The following CDH23 variants were observed in gnomAD, a reference collection of about 807,000 sequenced individuals.
The protein encoded by CDH23 is cadherin-23.
Under a neutral mutation model 317.1 loss-of-function variants are expected in CDH23, and 189 were observed. That is an observed-to-expected ratio of 0.60 (90% confidence interval 0.53 to 0.67). CDH23 has a LOEUF of 0.67. Ranked by LOEUF, CDH23 falls within the 30% of genes least tolerant of loss-of-function variation. The pLI, the probability that CDH23 is intolerant of heterozygous loss-of-function variation, is 0.00. For synonymous variants in CDH23, 1,839 were observed against 1,876.8 expected (o/e 0.98, Z 0.52); for missense variants, 4,401 against 4,592.4 (o/e 0.96, Z 1.20).
At chr10:71,415,396 C>T (rs929860026) in intron 1 of CDH23, among the ~76,000 whole-genome samples, 7 of 152,078 alleles carry the variant, frequency 4.6e-5, no homozygotes, top group African/African-American at 1.2e-4. Flanking sequence ...CCCAGCCATC[C>T]GTCTCATTTT....
At chr10:71,599,836 T>C (rs1860100038) in intron 9 of CDH23, among the ~76,000 whole-genome samples, 1 of 152,032 alleles carries the variant, frequency 6.6e-6, no homozygotes, top group South Asian at 2.1e-4. Flanking sequence ...GATTCTCACT[T>C]CTCCAGGGGA....
chr10:71,774,179 C>T (rs922119934), intron 38 of CDH23, among the ~76,000 whole-genome samples: 5 of 152,162 alleles, frequency 3.3e-5, no homozygotes, highest in Admixed American at 6.5e-5. Flanking sequence ...GCGTGCCCCA[C>T]AGCACATCCT....
chr10:71,743,359 G>C (rs917555906), intron 38 of CDH23, among the ~76,000 whole-genome samples: 6 of 152,202 alleles, frequency 3.9e-5, no homozygotes, highest in African/African-American at 1.4e-4. Flanking sequence ...CACTGTGGGA[G>C]GTGGGGTCAC....
At position 71,397,919 on chromosome 10, in the gene CDH23, C is replaced by T. The variant is rs1463712023; in HGVS notation, c.-6+601C>T. Among the ~76,000 whole-genome samples, 1 of 152,212 alleles carries T rather than the reference C, an allele frequency of 6.6e-6. No individual in the cohort carries two copies. The highest frequency in any genetic ancestry group is 1.5e-5 in the Non-Finnish European group (1 of 68,038). Reference sequence around the variant, plus strand: ...TCCAGCTATGGGAAGACGCGCCCCTCGAGGAGCCGGGAGCCTTTTGCGGCT... The same window carrying T: ...TCCAGCTATGGGAAGACGCGCCCCTTGAGGAGCCGGGAGCCTTTTGCGGCT... On this transcript the variant is annotated intron_variant, in intron 1 of 69. Transcript: ENST00000224721. The surrounding 1 kb of genome is among the most constrained non-coding windows in gnomAD (Gnocchi z 4.8).
chr10:71,554,909 G>A (rs1455430642), intron 6 of CDH23, among the ~76,000 whole-genome samples: 1 of 152,236 alleles, frequency 6.6e-6, no homozygotes, highest in African/African-American at 2.4e-5. Context: ...GAAGTGGGAA[G>A]TTATTGGAGA....
chr10:71,475,870 C>T (rs911949360), intron 3 of CDH23, among the ~76,000 whole-genome samples: 2 of 152,238 alleles, frequency 1.3e-5, no homozygotes, highest in African/African-American at 2.4e-5. Flanking sequence ...TGTCACCCTG[C>T]AGGAGCCGGG....
intron 7 of CDH23, among the ~76,000 whole-genome samples, chr10:71,570,087 T>C (rs1857683257): frequency 6.6e-6 from 1 of 151,950 alleles, no homozygotes; most frequent in African/African-American, 2.4e-5. Flanking sequence ...CAACTGACGG[T>C]TTAAATATTG....
chr10:71,761,733 G>A, intron 38 of CDH23: 1 of 1,614,132 alleles, frequency 6.2e-7, no homozygotes, highest in Non-Finnish European at 8.5e-7. Flanking sequence ...AAGTTGCCAT[G>A]GTGGTCGGAG....
At chr10:71,746,890 G>A (rs370663216) in intron 38 of CDH23, among the ~76,000 whole-genome samples, 4 of 152,200 alleles carry the variant, frequency 2.6e-5, no homozygotes, top group South Asian at 2.1e-4. Flanking sequence ...GCCCCGTGAC[G>A]GTCTATGAGC....
At chr10:71,459,053 T>C (rs1039640106) in intron 3 of CDH23, among the ~76,000 whole-genome samples, 4 of 149,514 alleles carry the variant, frequency 2.7e-5, no homozygotes, top group Non-Finnish European at 4.4e-5. Context: ...CCCAAAGTGC[T>C]GGGATTACAG....
At chr10:71,723,532 T>C (rs1188551319) in intron 28 of CDH23, among the ~76,000 whole-genome samples, 1 of 152,028 alleles carries the variant, frequency 6.6e-6, no homozygotes, top group Non-Finnish European at 1.5e-5. Flanking sequence ...CATGGAGCCA[T>C]TGTGTGGGAG....
At chr10:71,522,485 G>C (rs1374540299) in intron 6 of CDH23, among the ~76,000 whole-genome samples, 1 of 152,174 alleles carries the variant, frequency 6.6e-6, no homozygotes, top group Non-Finnish European at 1.5e-5. Context: ...TAGGAGCATG[G>C]TATTAGGAGT....
At chr10:71,517,244 CT>C (rs1337915593) in intron 6 of CDH23, among the ~76,000 whole-genome samples, 2 of 152,370 alleles carry the variant, frequency 1.3e-5, no homozygotes, top group East Asian at 3.9e-4. Context: ...AGGCCTAGCA[CT>C]GAGCTGGCAA....
intron 6 of CDH23, among the ~76,000 whole-genome samples, chr10:71,538,569 C>T (rs6480530): frequency 3.9e-5 from 6 of 152,024 alleles, no homozygotes; most frequent in Admixed American, 1.3e-4. Flanking sequence ...TCTGTTTCTC[C>T]GATTAATCTG....
rs183053210 is a variant in CDH23, at chr10:71,501,919, G to A, written c.146-8163G>A. On this transcript the variant is annotated intron_variant, in intron 3 of 69. Coordinates refer to ENST00000224721, the MANE Select transcript of CDH23 (RefSeq NM_022124.6). ...GCCATGGTGGGACAGTTGGAGTGAG[G>A]AGTAGTTATTCTCAGAAAACCCTGG... Among the ~76,000 whole-genome samples the A allele has an allele frequency of 7.9e-5, 12 of 152,294 alleles. No individual in the cohort carries two copies. In the East Asian group the frequency reaches 2.3e-3, roughly 29 times the overall value.
Position 71,707,161 on chromosome 10 carries a change from G to A in CDH23, c.3106+112G>A, listed in dbSNP as rs769119899. On this transcript the variant is annotated intron_variant, in intron 26 of 69. Transcript: ENST00000224721. ...GCAGGTGAGGGTGGAAAAGAGGTCA[G>A]GGCTCTACTGTTGGGCTTTAGCCTC... The A allele has an allele frequency of 3.9e-6, 6 of 1,544,466 alleles. 1 individual carries two copies. The South Asian group carries it at 6.0e-5, about 15-fold the overall frequency.
At chr10:71,719,944 C>G (rs1015092989) in intron 28 of CDH23, 1 of 152,842 alleles carries the variant, frequency 6.5e-6, no homozygotes. Flanking sequence ...CCCACCGCCT[C>G]TCTCCAGCCT....
chr10:71,495,847 A>G (rs145141173), intron 3 of CDH23, among the ~76,000 whole-genome samples: 1,548 of 150,092 alleles, frequency 0.01, 46 homozygotes, highest in African/African-American at 0.032. Context: ...AAAGAAGGAA[A>G]GAAAGAAAAG....
At chr10:71,428,984 A>G (rs1849243845) in intron 1 of CDH23, among the ~76,000 whole-genome samples, 1 of 152,092 alleles carries the variant, frequency 6.6e-6, no homozygotes, top group Non-Finnish European at 1.5e-5. Context: ...TTAGACATTA[A>G]TCCCTTATCT....
Sources: gnomAD v4.1 joint callset for allele counts (sites outside exome capture counted in the v4.1 genomes callset) on GRCh38, gnomAD v4.1.1 for gene constraint, Gnocchi (gnomAD v3.1) non-coding constraint, MANE v1.5 for transcripts, NCBI Gene and HGNC (gene_info 2026-07-23, HGNC 2026-07-21) for gene names.